MCC: variants seen among roughly 807,000 people sequenced by gnomAD.
MCC encodes the protein MCC regulator of Wnt signaling pathway.
A neutral mutation model predicts 116.2 loss-of-function variants in MCC; 90 were observed. The ratio of observed to expected loss-of-function variants is 0.77; its 90% CI spans 0.65 to 0.92. The LOEUF is 0.92. Among genes scored for constraint, MCC ranks in the 40% least tolerant of loss-of-function variants. The probability of loss-of-function intolerance (pLI) is 0.00; values close to 1 mark genes in which losing one functional copy is unlikely to be tolerated. For missense variants in MCC, 1,516 were observed against 1,312.2 expected (o/e 1.16, Z -2.40); for synonymous variants, 578 against 510.5 (o/e 1.13, Z -1.78).
chr5:113,299,711 G>T (rs1766812170), intron 3 of MCC, among the ~76,000 whole-genome samples: 1 of 152,186 alleles, frequency 6.6e-6, no homozygotes, highest in South Asian at 2.1e-4. Context: ...GCCTTAACAT[G>T]ATCTCTCCAA....
chr5:113,332,347 A>T (rs1197574703), intron 3 of MCC, among the ~76,000 whole-genome samples: 1 of 151,396 alleles, frequency 6.6e-6, no homozygotes, highest in Non-Finnish European at 1.5e-5. Context: ...CCTGGCTATA[A>T]ATAAGTATTT....
intron 8 of MCC, among the ~76,000 whole-genome samples, chr5:113,098,089 G>C (rs185493718): frequency 6.6e-6 from 1 of 152,368 alleles, no homozygotes. Flanking sequence ...TGGCCGATTT[G>C]TGTTCAAGTC....
At chr5:113,223,286 C>T (rs1162424594) in intron 3 of MCC, among the ~76,000 whole-genome samples, 2 of 152,146 alleles carry the variant, frequency 1.3e-5, no homozygotes, top group African/African-American at 4.8e-5. Context: ...GAATTAATTA[C>T]CAAAGTTTAA....
In MCC at chr5:113,410,611, C is replaced by T. The variant is rs145969481; in HGVS notation, c.171-25399G>A. 3.9e-5 allele frequency among the ~76,000 whole-genome samples: 6 copies of T among 152,196 alleles called. No homozygotes were observed. In the East Asian group the frequency reaches 7.7e-4, roughly 20 times the overall value. On this transcript the variant is annotated intron_variant, in intron 1 of 18. Transcript: ENST00000408903. Reference sequence around the variant, plus strand: ...ATCTGCATAATGAATTATTATGCAACTCTTATTTTTAAATTATACTTTAAG... The same window carrying T: ...ATCTGCATAATGAATTATTATGCAATTCTTATTTTTAAATTATACTTTAAG...
At chr5:113,295,294 G>A (rs979787418) in intron 3 of MCC, among the ~76,000 whole-genome samples, 3 of 152,076 alleles carry the variant, frequency 2.0e-5, no homozygotes, top group Non-Finnish European at 4.4e-5. Flanking sequence ...CACTTCTCAC[G>A]GAACATTAAG....
At chr5:113,248,656 T>C (rs1764663702) in intron 3 of MCC, among the ~76,000 whole-genome samples, 1 of 152,172 alleles carries the variant, frequency 6.6e-6, no homozygotes, top group Admixed American at 6.6e-5. Flanking sequence ...AGTTCAAGTC[T>C]GGTTCGTCCA....
At chr5:113,164,944 G>C (rs550609564) in intron 3 of MCC, among the ~76,000 whole-genome samples, 2 of 152,304 alleles carry the variant, frequency 1.3e-5, no homozygotes, top group South Asian at 4.1e-4. Flanking sequence ...CCCCTGTATA[G>C]GTAAAGGGCA....
rs576425632 is a variant in MCC, at chr5:113,067,814, A to G, written c.2029+266T>C. On this transcript the variant is annotated intron_variant, in intron 13 of 18. Coordinates refer to ENST00000408903, the MANE Select transcript of MCC (RefSeq NM_001085377.2). ...TCATCGCTGATGCGGCCTCAGCTCC[A>G]TCTGGCCCCACTGTCAGCCCAGGAG... Among the ~76,000 whole-genome samples the G allele has an allele frequency of 1.4e-4, 22 of 152,378 alleles. 2 individuals are homozygous for G. The highest frequency in any genetic ancestry group is 5.0e-4 in the African/African-American group (21 of 41,590).
intron 1 of MCC, among the ~76,000 whole-genome samples, chr5:113,396,411 C>A (rs1340351075): frequency 2.0e-5 from 3 of 151,038 alleles, no homozygotes; most frequent in Admixed American, 2.0e-4. Context: ...GCGGGCAGAT[C>A]ATTTGAGGCC....
At chr5:113,227,663 A>C (rs1002542716) in intron 3 of MCC, among the ~76,000 whole-genome samples, 1 of 152,270 alleles carries the variant, frequency 6.6e-6, no homozygotes, top group Non-Finnish European at 1.5e-5. Flanking sequence ...TGTCTAGAAC[A>C]AACAATATGG....
intron 2 of MCC, among the ~76,000 whole-genome samples, chr5:113,374,713 T>C (rs921005663): frequency 6.6e-6 from 1 of 151,618 alleles, no homozygotes; most frequent in South Asian, 2.1e-4. Context: ...CCATGTTTGC[T>C]GGGCACAATG....
At chr5:113,196,387 G>A (rs58713336) in intron 3 of MCC, among the ~76,000 whole-genome samples, 27,081 of 152,002 alleles carry the variant, frequency 0.18, 2,482 homozygotes, top group African/African-American at 0.2. Context: ...AACCTGGAGA[G>A]GTCATGTCTC....
At chr5:113,064,892 G>T (rs1390047200) in intron 13 of MCC, among the ~76,000 whole-genome samples, 1 of 152,164 alleles carries the variant, frequency 6.6e-6, no homozygotes, top group East Asian at 1.9e-4. Flanking sequence ...GAACTATAGA[G>T]ATATTGAAAA....
At chr5:113,285,996 A>G (rs1176837284) in intron 3 of MCC, among the ~76,000 whole-genome samples, 1 of 152,254 alleles carries the variant, frequency 6.6e-6, no homozygotes, top group Non-Finnish European at 1.5e-5. Flanking sequence ...CATCTGTCAC[A>G]GTAAAATGGC....
chr5:113,028,706 A>G (rs1463263746), intron 18 of MCC, among the ~76,000 whole-genome samples: 2 of 152,324 alleles, frequency 1.3e-5, no homozygotes, highest in African/African-American at 2.4e-5. Flanking sequence ...CATTTGGCCA[A>G]AGGATGTTGT....
intron 3 of MCC, among the ~76,000 whole-genome samples, chr5:113,219,948 T>C (rs147860241): frequency 2.6e-3 from 395 of 152,090 alleles, no homozygotes; most frequent in African/African-American, 9.0e-3. Flanking sequence ...CAACCCCTTA[T>C]TGAAATTAGA....
intron 3 of MCC, among the ~76,000 whole-genome samples, chr5:113,228,678 G>A (rs1435401375): frequency 2.0e-5 from 3 of 152,094 alleles, no homozygotes; most frequent in African/African-American, 7.2e-5. Context: ...TTTGAGCAGA[G>A]GAATAACATG....
intron 1 of MCC, among the ~76,000 whole-genome samples, chr5:113,452,628 T>A (rs1431825840): frequency 6.6e-6 from 1 of 152,168 alleles, no homozygotes; most frequent in Non-Finnish European, 1.5e-5. Flanking sequence ...GCTACCTGAT[T>A]TATGGTATTT....
chr5:113,181,278 C>T (rs887407156), intron 3 of MCC, among the ~76,000 whole-genome samples: 1 of 152,182 alleles, frequency 6.6e-6, no homozygotes, highest in African/African-American at 2.4e-5. Context: ...TTTAGACCAC[C>T]ACTATCGGTC....
Sources: allele counts gnomAD v4.1 joint callset (sites outside exome capture counted in the v4.1 genomes callset), GRCh38; gene constraint gnomAD v4.1.1; transcripts MANE v1.5; gene names NCBI Gene and HGNC (gene_info 2026-07-23, HGNC 2026-07-21).